Variants in DIS3L2 observed in about 807,000 individuals in gnomAD.
DIS3L2 encodes the protein DIS3-like exonuclease 2.
Under a neutral mutation model 97.5 loss-of-function variants are expected in DIS3L2, and 34 were observed. The ratio of observed to expected loss-of-function variants is 0.35; its 90% CI spans 0.27 to 0.46. The LOEUF (loss-of-function observed/expected upper bound fraction) is 0.46. DIS3L2 is among the 20% of genes least tolerant of loss of function. DIS3L2 has a pLI of 1.00. For missense variants in DIS3L2, 1,038 were observed against 1,146.0 expected (o/e 0.91, Z 1.36); for synonymous variants, 435 against 445.2 (o/e 0.98, Z 0.29).
chr2:232,241,307 C>A (rs1246093304), intron 11 of DIS3L2, among the ~76,000 whole-genome samples: 1 of 152,266 alleles, frequency 6.6e-6, no homozygotes, highest in Non-Finnish European at 1.5e-5. Context: ...ACAATCATTT[C>A]TCCCAGCTTC....
At chr2:232,270,906 CTCTCTCTCT>C (rs1693988042) in intron 13 of DIS3L2, among the ~76,000 whole-genome samples, 2 of 135,200 alleles carry the variant, frequency 1.5e-5, no homozygotes, top group Non-Finnish European at 3.2e-5. Flanking sequence ...CTCTCTCTCT[CTCTCTCTCT>C]GTCTCGTCTC....
At position 232,014,885 on chromosome 2, in the gene DIS3L2, G is replaced by A; in HGVS notation, c.-43G>A. On this transcript the variant is annotated 5_prime_UTR_variant, in exon 2 of 21. Coordinates refer to ENST00000325385, the MANE Select transcript of DIS3L2 (RefSeq NM_152383.5). ...CGGGAACTCTGAGCTAAGCAGTGGAGGTTTCTCTGGATCTGGAGAGAAGAG... is the reference window on the plus strand; with the variant it reads ...CGGGAACTCTGAGCTAAGCAGTGGAAGTTTCTCTGGATCTGGAGAGAAGAG... 6.2e-7 allele frequency: 1 copy of A among 1,609,652 alleles called. No individual in the cohort carries two copies. The highest frequency in any genetic ancestry group is 8.5e-7 in the Non-Finnish European group (1 of 1,176,874).
intron 5 of DIS3L2, among the ~76,000 whole-genome samples, chr2:232,057,379 C>G (rs973730178): frequency 1.3e-5 from 2 of 152,052 alleles, no homozygotes; most frequent in Admixed American, 1.3e-4. Flanking sequence ...TTCCTATGAG[C>G]AAGTCGCAAT....
chr2:232,182,903 C>G lies in DIS3L2; in HGVS notation c.1124+19271C>G, dbSNP rs894041267. ...TTGCTGTTATTGCTGTTTGTTCTTT[C>G]TGCTGTTCATTTTCTGACTTTTTTG... On this transcript the variant is annotated intron_variant, in intron 9 of 20. Coordinates refer to ENST00000325385, the MANE Select transcript of DIS3L2 (RefSeq NM_152383.5). 5.3e-5 allele frequency among the ~76,000 whole-genome samples: 8 copies of G among 152,234 alleles called. No individual in the cohort carries two copies. In the South Asian group the frequency reaches 1.7e-3, roughly 32 times the overall value.
chr2:232,113,997 T>C (rs1230183327), intron 6 of DIS3L2, among the ~76,000 whole-genome samples: 2 of 152,146 alleles, frequency 1.3e-5, no homozygotes, highest in Non-Finnish European at 2.9e-5. Context: ...ACCACACAGA[T>C]TGATAAACTG....
At chr2:231,993,844 G>T (rs1417694001) in intron 1 of DIS3L2, among the ~76,000 whole-genome samples, 1 of 146,774 alleles carries the variant, frequency 6.8e-6, no homozygotes, top group Non-Finnish European at 1.5e-5. Context: ...TGAATAAGTT[G>T]TCATTCATCT....
At chr2:232,343,465 A>G (rs199621691) in exon 14 of DIS3L2, 54 of 1,555,804 alleles carry the variant, frequency 3.5e-5, no homozygotes, top group Non-Finnish European at 4.5e-5. Flanking sequence ...CATATGTGAC[A>G]GGGATCCAGA....
At chr2:232,136,916 A>G (rs1403761135) in intron 8 of DIS3L2, among the ~76,000 whole-genome samples, 197 bp downstream of exon 8, 1 of 152,214 alleles carries the variant, frequency 6.6e-6, no homozygotes, top group Non-Finnish European at 1.5e-5. Context: ...TTGAATTACC[A>G]GGCAGTCACA....
At chr2:232,060,449 A>C (rs190435389) in intron 5 of DIS3L2, among the ~76,000 whole-genome samples, 87 of 152,268 alleles carry the variant, frequency 5.7e-4, no homozygotes, top group Non-Finnish European at 1.1e-3. Context: ...ATTCTTCTGC[A>C]TTTAGATAAC....
intron 9 of DIS3L2, among the ~76,000 whole-genome samples, chr2:232,187,895 G>C (rs1054370271): frequency 6.6e-6 from 1 of 152,148 alleles, no homozygotes; most frequent in Admixed American, 6.5e-5. Flanking sequence ...CCAGCACTTT[G>C]GAAGGCTGAG....
chr2:232,063,926 TA>T (rs1416939056), intron 5 of DIS3L2, among the ~76,000 whole-genome samples: 2 of 152,158 alleles, frequency 1.3e-5, no homozygotes, highest in Non-Finnish European at 2.9e-5. Flanking sequence ...TTTATCAGAA[TA>T]AAAAATATTT....
chr2:232,302,105 T>C (rs1575004779), intron 14 of DIS3L2, among the ~76,000 whole-genome samples: 1 of 152,012 alleles, frequency 6.6e-6, no homozygotes, highest in African/African-American at 2.4e-5. Flanking sequence ...AGAAAATACT[T>C]GTGTAGGAAA....
chr2:232,182,766 C>T (rs967514051), intron 9 of DIS3L2, among the ~76,000 whole-genome samples: 6 of 152,126 alleles, frequency 3.9e-5, no homozygotes, highest in African/African-American at 1.4e-4. Flanking sequence ...TTGCATGACA[C>T]CTGCACATGC....
At chr2:232,091,262 A>G (rs1376292118) in intron 6 of DIS3L2, among the ~76,000 whole-genome samples, 1 of 152,100 alleles carries the variant, frequency 6.6e-6, no homozygotes, top group East Asian at 1.9e-4. Flanking sequence ...ATTCTTTGTA[A>G]CTATCTTTTT....
At chr2:232,139,283 C>T (rs989658933) in intron 8 of DIS3L2, among the ~76,000 whole-genome samples, 4 of 152,174 alleles carry the variant, frequency 2.6e-5, no homozygotes, top group African/African-American at 7.2e-5. Flanking sequence ...TTTTCTTTAC[C>T]CCTTTTTGCA....
At chr2:232,225,572 A>G (rs1035877070) in intron 10 of DIS3L2, among the ~76,000 whole-genome samples, 1 of 152,194 alleles carries the variant, frequency 6.6e-6, no homozygotes, top group African/African-American at 2.4e-5. Context: ...TGGTGAGTGT[A>G]AAGACTGGGA....
At chr2:232,336,030 C>T (rs867541437) in intron 20 of DIS3L2, 156 bp downstream of exon 20, 19 of 1,523,842 alleles carry the variant, frequency 1.2e-5, no homozygotes, top group South Asian at 3.8e-5. Flanking sequence ...ACCCAGACCC[C>T]CTCCTGTGGG....
intron 5 of DIS3L2, among the ~76,000 whole-genome samples, chr2:232,082,215 A>G (rs950905173): frequency 1.3e-5 from 2 of 152,214 alleles, no homozygotes; most frequent in African/African-American, 4.8e-5. Context: ...GTGTTTTAGG[A>G]TAATAACATA....
At chr2:231,965,556 A>G (rs1347046128) in intron 1 of DIS3L2, among the ~76,000 whole-genome samples, 2 of 152,056 alleles carry the variant, frequency 1.3e-5, no homozygotes, top group South Asian at 2.1e-4. Flanking sequence ...CTCTTAAAAG[A>G]TGTTTTGTTG....
Sources: allele counts gnomAD v4.1 joint callset (sites outside exome capture counted in the v4.1 genomes callset), GRCh38; gene constraint gnomAD v4.1.1; transcripts MANE v1.5; gene names NCBI Gene and HGNC (gene_info 2026-07-23, HGNC 2026-07-21).